The following RORA variants were observed in gnomAD, a reference collection of about 807,000 sequenced individuals.
RORA encodes RAR related orphan receptor A, also known as nuclear receptor ROR-alpha.
RORA carries 7 observed loss-of-function variants against 69.5 expected under a neutral mutation model. The observed-to-expected ratio is 0.10, with a 90% CI of 0.06 to 0.19. RORA has a LOEUF of 0.19. Ranked by LOEUF, RORA falls within the 10% of genes least tolerant of loss-of-function variation. The pLI, the probability that RORA is intolerant of heterozygous loss-of-function variation, is 1.00. For synonymous variants in RORA, 261 were observed against 240.8 expected, an observed-to-expected ratio of 1.08 and a Z score of -0.78; for missense variants, 457 against 663.0, an observed-to-expected ratio of 0.69 and a Z score of 3.41.
intron 1 of RORA, among the ~76,000 whole-genome samples, chr15:61,096,276 C>A (rs1015578212): frequency 6.6e-6 from 1 of 152,112 alleles, no homozygotes; most frequent in African/African-American, 2.4e-5. Context: ...TTCTCGGAAT[C>A]GGGTACATGC....
intron 2 of RORA, among the ~76,000 whole-genome samples, chr15:60,595,474 C>T (rs2068645549): frequency 6.6e-6 from 1 of 151,474 alleles, no homozygotes; most frequent in African/African-American, 2.4e-5. Flanking sequence ...GAGATCACAC[C>T]ACTGCACTCC....
chr15:61,135,278 C>G (rs967685475), intron 1 of RORA, among the ~76,000 whole-genome samples: 1 of 151,832 alleles, frequency 6.6e-6, no homozygotes, highest in Non-Finnish European at 1.5e-5. Context: ...CTGCAGTGAG[C>G]CATGATTATG....
chr15:60,547,339 T>TA (rs1336101279), intron 2 of RORA, among the ~76,000 whole-genome samples: 16 of 146,458 alleles, frequency 1.1e-4, no homozygotes, highest in African/African-American at 3.7e-4. Flanking sequence ...TTTTTTTTTT[T>TA]TAAAGATAGG....
intron 1 of RORA, among the ~76,000 whole-genome samples, chr15:60,888,282 C>T (rs2073773758): frequency 6.6e-6 from 1 of 152,344 alleles, no homozygotes; most frequent in South Asian, 2.1e-4. Context: ...GGTCTGACCA[C>T]CCCACCTCAG....
At position 61,220,305 on chromosome 15, in the gene RORA, C is replaced by A. The variant is rs554974515; in HGVS notation, c.166+8748G>T. On this transcript the variant is annotated intron_variant, in intron 1 of 10. Transcript: ENST00000335670. ...GCCCTGTCCCTTCAGATATAATATC[C>A]CCGTCACACAAACATTCCTGAGAGT... 1.4e-3 allele frequency among the ~76,000 whole-genome samples: 211 copies of A among 152,340 alleles called. 1 individual carries two copies. The highest frequency in any genetic ancestry group is 4.9e-3 in the African/African-American group (203 of 41,570).
rs143671650 is a variant in RORA, at chr15:60,511,590, C to T, written c.456G>A (p.Gln152=). 3.7e-6 allele frequency: 6 copies of T among 1,609,020 alleles called. No individual in the cohort carries two copies. The highest frequency in any genetic ancestry group is 4.2e-6 in the Non-Finnish European group (5 of 1,176,908). The change falls in exon 5 of 11, where the codon CAG becomes CAA. Residue 152 remains glutamine, a synonymous_variant. Transcript: ENST00000335670. This position sits in a 1 kb window ranked among gnomAD's most constrained non-coding sequence, Gnocchi z 6.4. Reference sequence around the variant, plus strand: ...GTACTTCTGCATACAAGCTGTCTCTCTGCTTTTTTGACATTCGGCCAAATT... The same window carrying T: ...GTACTTCTGCATACAAGCTGTCTCTTTGCTTTTTTGACATTCGGCCAAATT... ...AVKFGRMSKK[Q]RDSLYAEVQK...
chr15:61,202,383 G>A (rs1383548842), intron 1 of RORA, among the ~76,000 whole-genome samples: 1 of 152,106 alleles, frequency 6.6e-6, no homozygotes, highest in African/African-American at 2.4e-5. Flanking sequence ...TTCTTCTAGA[G>A]GTTTAAATTC....
chr15:61,159,869 T>G (rs893959544), intron 1 of RORA, among the ~76,000 whole-genome samples: 1 of 152,328 alleles, frequency 6.6e-6, no homozygotes, highest in Admixed American at 6.5e-5. Context: ...GAAATATGTA[T>G]GTGTACTGAG....
intron 1 of RORA, among the ~76,000 whole-genome samples, chr15:60,842,463 C>T (rs341402): frequency 0.3 from 45,797 of 152,058 alleles, 7,386 homozygotes; most frequent in African/African-American, 0.42. Flanking sequence ...TCAGATACAG[C>T]GTTAAGCATT....
At chr15:60,592,728 G>T in intron 2 of RORA, 1 of 1,096,548 alleles carries the variant, frequency 9.1e-7, no homozygotes, top group Non-Finnish European at 1.1e-6. Flanking sequence ...CGGCTCTGCT[G>T]GCCCACCCCG....
intron 2 of RORA, 193 bp downstream of exon 2, chr15:60,678,464 C>T (rs2070587623): frequency 8.8e-6 from 5 of 567,456 alleles, no homozygotes; most frequent in Non-Finnish European, 1.6e-5. Context: ...TAGCCTCTCT[C>T]TTCAACACAC....
intron 3 of RORA, among the ~76,000 whole-genome samples, chr15:60,514,982 T>C (rs1407122567): frequency 6.6e-6 from 1 of 152,204 alleles, no homozygotes; most frequent in Non-Finnish European, 1.5e-5. Context: ...CAAAACTTTC[T>C]TTAACTTCAA....
chr15:61,087,975 C>T (rs913049299), intron 1 of RORA, among the ~76,000 whole-genome samples: 1 of 152,256 alleles, frequency 6.6e-6, no homozygotes, highest in Admixed American at 6.5e-5. Flanking sequence ...CCTACGCCAG[C>T]TCCTAAAGTT....
chr15:60,653,095 C>T (rs528687157), intron 2 of RORA, among the ~76,000 whole-genome samples: 64 of 152,270 alleles, frequency 4.2e-4, no homozygotes, highest in African/African-American at 6.5e-4. Flanking sequence ...TGTGGGCTTT[C>T]GTTTCTACAG....
intron 1 of RORA, among the ~76,000 whole-genome samples, chr15:61,215,652 G>C (rs980002190): frequency 6.6e-6 from 1 of 152,170 alleles, no homozygotes; most frequent in African/African-American, 2.4e-5. Flanking sequence ...GTGTGCATGT[G>C]TGTGTATATT....
chr15:60,866,259 G>A (rs1567219038), intron 1 of RORA, among the ~76,000 whole-genome samples: 1 of 152,080 alleles, frequency 6.6e-6, no homozygotes, highest in Non-Finnish European at 1.5e-5. Context: ...ATCTGCATGA[G>A]TTCAAGATTT....
At chr15:61,114,716 C>A (rs1179916208) in intron 1 of RORA, among the ~76,000 whole-genome samples, 2 of 152,160 alleles carry the variant, frequency 1.3e-5, no homozygotes, top group African/African-American at 4.8e-5. Context: ...GGCCTTGCAT[C>A]ACGGATGGTT....
chr15:60,705,488 T>C (rs1409224142), intron 1 of RORA, among the ~76,000 whole-genome samples: 1 of 152,170 alleles, frequency 6.6e-6, no homozygotes, highest in Non-Finnish European at 1.5e-5. Flanking sequence ...GATTCAACAA[T>C]TGTAGGGGCA....
intron 1 of RORA, among the ~76,000 whole-genome samples, chr15:60,762,233 A>G (rs895767660): frequency 2.0e-5 from 3 of 152,194 alleles, no homozygotes; most frequent in African/African-American, 7.2e-5. Flanking sequence ...AGATTTTCCA[A>G]AAGTACTATT....
Sources: gnomAD v4.1 joint callset for allele counts (sites outside exome capture counted in the v4.1 genomes callset) on GRCh38, gnomAD v4.1.1 for gene constraint, Gnocchi (gnomAD v3.1) non-coding constraint, MANE v1.5 for transcripts, NCBI Gene and HGNC (gene_info 2026-07-23, HGNC 2026-07-21) for gene names.